Variants in CAMK4 observed in about 807,000 individuals in gnomAD.
The protein encoded by CAMK4 is calcium/calmodulin-dependent protein kinase type IV.
A neutral mutation model predicts 44.9 loss-of-function variants in CAMK4; 22 were observed. The ratio of observed to expected loss-of-function variants is 0.49; its 90% CI spans 0.35 to 0.70. The LOEUF (loss-of-function observed/expected upper bound fraction) is 0.70, where lower values mean the gene tolerates loss of function less well. CAMK4 is among the 30% of genes least tolerant of loss of function. The pLI, the probability that CAMK4 is intolerant of heterozygous loss-of-function variation, is 0.01. For synonymous variants in CAMK4, 218 were observed against 215.4 expected, an observed-to-expected ratio of 1.01 and a Z score of -0.11; for missense variants, 498 against 586.8, an observed-to-expected ratio of 0.85 and a Z score of 1.56.
chr5:111,259,941 G>A (rs980099806), intron 1 of CAMK4, among the ~76,000 whole-genome samples: 3 of 152,122 alleles, frequency 2.0e-5, no homozygotes, highest in African/African-American at 4.8e-5. Flanking sequence ...GTTTCTGAAC[G>A]CTTTAGAAGA....
At chr5:111,259,710 CA>C (rs1481560083) in intron 1 of CAMK4, among the ~76,000 whole-genome samples, 2 of 152,234 alleles carry the variant, frequency 1.3e-5, no homozygotes, top group Non-Finnish European at 2.9e-5. Context: ...ATGTGACTTA[CA>C]AAAAGTTCCC....
At chr5:111,245,370 A>G (rs1161236839) in intron 1 of CAMK4, among the ~76,000 whole-genome samples, 5 of 152,234 alleles carry the variant, frequency 3.3e-5, no homozygotes, top group Non-Finnish European at 7.3e-5. Context: ...TATTGTTGAT[A>G]ATAATAGCAG....
intron 5 of CAMK4, among the ~76,000 whole-genome samples, chr5:111,442,452 G>A (rs990562238): frequency 1.3e-5 from 2 of 151,422 alleles, no homozygotes; most frequent in African/African-American, 4.8e-5. Context: ...AGCCAAGATC[G>A]CACCACTGCA....
At chr5:111,433,323 A>G (rs1753528933) in intron 5 of CAMK4, among the ~76,000 whole-genome samples, 1 of 152,220 alleles carries the variant, frequency 6.6e-6, no homozygotes, top group Non-Finnish European at 1.5e-5. Flanking sequence ...TGTCTGTCAC[A>G]TGGAATCTCA....
At chr5:111,361,182 A>T (rs1750577975) in intron 2 of CAMK4, among the ~76,000 whole-genome samples, 2 of 152,182 alleles carry the variant, frequency 1.3e-5, no homozygotes, top group African/African-American at 4.8e-5. Context: ...GATGTAATTG[A>T]TGAAGCTTAA....
intron 2 of CAMK4, among the ~76,000 whole-genome samples, chr5:111,355,222 G>A (rs1750286876): frequency 1.3e-5 from 2 of 152,004 alleles, no homozygotes; most frequent in African/African-American, 4.8e-5. Context: ...TCTGTCAGTT[G>A]GAACCTATTG....
intron 7 of CAMK4, among the ~76,000 whole-genome samples, chr5:111,464,368 T>C (rs1039694571): frequency 6.6e-6 from 1 of 152,114 alleles, no homozygotes; most frequent in South Asian, 2.1e-4. Flanking sequence ...AAATAATGGA[T>C]GTTTCTAAGG....
intron 1 of CAMK4, among the ~76,000 whole-genome samples, chr5:111,288,912 A>T (rs927184108): frequency 5.3e-5 from 8 of 152,216 alleles, no homozygotes; most frequent in Non-Finnish European, 1.0e-4. Flanking sequence ...AAGGGGAAAT[A>T]TTTATCAGCC....
At chr5:111,300,998 T>C (rs908529291) in intron 1 of CAMK4, among the ~76,000 whole-genome samples, 3 of 152,168 alleles carry the variant, frequency 2.0e-5, no homozygotes, top group African/African-American at 7.2e-5. Flanking sequence ...AAATTTGCAG[T>C]TTACAAATTT....
At chr5:111,297,669 G>A (rs1747548901) in intron 1 of CAMK4, among the ~76,000 whole-genome samples, 1 of 152,058 alleles carries the variant, frequency 6.6e-6, no homozygotes, top group Non-Finnish European at 1.5e-5. Context: ...CTCATTGGCT[G>A]GGCCTTGTCT....
At chr5:111,421,265 G>A (rs307533) in intron 5 of CAMK4, among the ~76,000 whole-genome samples, 38,573 of 152,136 alleles carry the variant, frequency 0.25, 5,285 homozygotes, top group Non-Finnish European at 0.31. Flanking sequence ...CGCCTGTCAT[G>A]GAAACAGGTT....
chr5:111,447,854 C>T (rs973976516), intron 6 of CAMK4, among the ~76,000 whole-genome samples: 1 of 152,248 alleles, frequency 6.6e-6, no homozygotes, highest in African/African-American at 2.4e-5. Context: ...GGGCAGCCAG[C>T]TTGTTCTCAT....
At chr5:111,390,397 C>T (rs190828519) in intron 4 of CAMK4, among the ~76,000 whole-genome samples, 20 of 152,146 alleles carry the variant, frequency 1.3e-4, no homozygotes, top group African/African-American at 4.6e-4. Context: ...CCGCCCCATC[C>T]CCTATTTTGG....
chr5:111,379,750 G>C (rs574999551), intron 4 of CAMK4, among the ~76,000 whole-genome samples: 41 of 152,152 alleles, frequency 2.7e-4, no homozygotes, highest in African/African-American at 9.9e-4. Context: ...GAATGAACTA[G>C]GGGAGTAATT....
At position 111,485,278 on chromosome 5, in the gene CAMK4, C is replaced by A. The variant is rs1561517381; in HGVS notation, c.*812C>A. 6.6e-6 allele frequency: 1 copy of A among 152,106 alleles called. No individual in the cohort carries two copies. 9.4% of individuals were successfully genotyped at this position (152,106 alleles called of 1,614,324 possible). A position where few individuals can be genotyped will look rare whatever the true frequency, so the allele number is the denominator to read the frequency against. On this transcript the variant is annotated 3_prime_UTR_variant, in exon 11 of 11. Coordinates refer to ENST00000282356, the MANE Select transcript of CAMK4 (RefSeq NM_001744.6). ...AAAAGAAGGTAAGACTGTACTTAAACTGATGAAGATAAGATTGATTCCTTT... is the reference window on the plus strand; with the variant it reads ...AAAAGAAGGTAAGACTGTACTTAAAATGATGAAGATAAGATTGATTCCTTT...
intron 1 of CAMK4, among the ~76,000 whole-genome samples, chr5:111,273,718 TACACAC>T (rs143530732): frequency 0.12 from 5,119 of 44,358 alleles, 650 homozygotes; most frequent in African/African-American, 0.19. Flanking sequence ...TATATATATA[TACACAC>T]ACATACATAC....
intron 1 of CAMK4, among the ~76,000 whole-genome samples, chr5:111,343,353 G>A (rs1452445024): frequency 6.6e-6 from 1 of 151,748 alleles, no homozygotes; most frequent in Non-Finnish European, 1.5e-5. Flanking sequence ...AAGTTGAAGT[G>A]TAAGCCTGTT....
chr5:111,441,056 G>A (rs1313789377), intron 5 of CAMK4, among the ~76,000 whole-genome samples: 1 of 152,074 alleles, frequency 6.6e-6, no homozygotes, highest in Non-Finnish European at 1.5e-5. Flanking sequence ...AATTGCTTAA[G>A]GTCACATAGC....
chr5:111,252,826 T>C (rs1017311105), intron 1 of CAMK4, among the ~76,000 whole-genome samples: 2 of 152,130 alleles, frequency 1.3e-5, no homozygotes, highest in Non-Finnish European at 2.9e-5. Flanking sequence ...TTAATGACAG[T>C]TTTTGGTAGG....
Sources: gnomAD v4.1 joint callset for allele counts (sites outside exome capture counted in the v4.1 genomes callset) on GRCh38, gnomAD v4.1.1 for gene constraint, MANE v1.5 for transcripts, NCBI Gene and HGNC (gene_info 2026-07-23, HGNC 2026-07-21) for gene names.